The following SAMD12 variants were observed in gnomAD, a reference collection of about 807,000 sequenced individuals.
The protein encoded by SAMD12 is sterile alpha motif domain-containing protein 12.
A neutral mutation model predicts 15.0 loss-of-function variants in SAMD12; 9 were observed. The observed-to-expected ratio is 0.60, with a 90% CI of 0.36 to 1.05. SAMD12 has a LOEUF of 1.05. SAMD12 is among the 50% of genes least tolerant of loss of function. SAMD12 has a pLI of 0.01. For synonymous variants in SAMD12, 86 were observed against 90.1 expected, an observed-to-expected ratio of 0.96 and a Z score of 0.25; for missense variants, 230 against 234.2, an observed-to-expected ratio of 0.98 and a Z score of 0.12.
intron 2 of SAMD12, among the ~76,000 whole-genome samples, chr8:118,489,113 T>C (rs769173316): frequency 3.2e-4 from 49 of 152,200 alleles, no homozygotes; most frequent in Admixed American, 1.4e-3. Flanking sequence ...GTAATGATTA[T>C]GTGTTTATTG....
intron 4 of SAMD12, among the ~76,000 whole-genome samples, chr8:118,237,077 C>T (rs1812453228): frequency 6.6e-6 from 1 of 152,158 alleles, no homozygotes. Flanking sequence ...ACCATGTCCA[C>T]AGGATTGGTG....
intron 4 of SAMD12, among the ~76,000 whole-genome samples, chr8:118,317,336 A>G (rs753726105): frequency 6.6e-6 from 1 of 152,210 alleles, no homozygotes; most frequent in Non-Finnish European, 1.5e-5. Flanking sequence ...ATGTTCACCC[A>G]AAGACGTGTC....
chr8:118,417,722 G>A (rs1426948063), intron 3 of SAMD12, among the ~76,000 whole-genome samples: 2 of 152,116 alleles, frequency 1.3e-5, no homozygotes, highest in Non-Finnish European at 2.9e-5. Flanking sequence ...GCAATGGAAA[G>A]AAATGTTATT....
At chr8:118,146,597 T>C in the SAMD12 span, among the ~76,000 whole-genome samples, 2 of 152,222 alleles carry the variant, frequency 1.3e-5, no homozygotes, top group African/African-American at 2.4e-5. Context: ...CATTGCTCGT[T>C]TGTCCACTAT....
chr8:118,344,635 C>T (rs1293997057), intron 4 of SAMD12, among the ~76,000 whole-genome samples: 1 of 152,158 alleles, frequency 6.6e-6, no homozygotes, highest in Non-Finnish European at 1.5e-5. Context: ...TGTAGAATAG[C>T]ACTAGCATGT....
chr8:118,243,688 G>A (rs1256898591), intron 4 of SAMD12, among the ~76,000 whole-genome samples: 1 of 152,054 alleles, frequency 6.6e-6, no homozygotes, highest in Non-Finnish European at 1.5e-5. Flanking sequence ...AAATCCTGGA[G>A]ATATATGTCA....
the SAMD12 span, among the ~76,000 whole-genome samples, chr8:118,150,615 T>A: frequency 2.0e-5 from 3 of 152,202 alleles, no homozygotes; most frequent in Non-Finnish European, 2.9e-5. Context: ...GTGATCCTCC[T>A]GCCTTGGCCT....
At chr8:118,419,401 A>T (rs1309121841) in intron 3 of SAMD12, among the ~76,000 whole-genome samples, 2 of 152,266 alleles carry the variant, frequency 1.3e-5, no homozygotes, top group East Asian at 3.8e-4. Flanking sequence ...CACTTTATAA[A>T]GTTCAAGTAT....
intron 4 of SAMD12, among the ~76,000 whole-genome samples, chr8:118,347,077 C>A (rs1817702044): frequency 6.6e-6 from 1 of 152,206 alleles, no homozygotes; most frequent in Admixed American, 6.5e-5. Context: ...AAGCACGTGC[C>A]ACCATGCCTG....
chr8:118,193,784 A>T (rs1162057481), exon 5 of SAMD12: 1 of 152,202 alleles, frequency 6.6e-6, no homozygotes, highest in African/African-American at 2.4e-5. Context: ...ATCCCCGCAA[A>T]AAACAAAAAA....
intron 4 of SAMD12, among the ~76,000 whole-genome samples, chr8:118,342,293 C>A (rs368288657): frequency 2.6e-3 from 368 of 142,700 alleles, no homozygotes; most frequent in Middle Eastern, 3.8e-3. Context: ...GACTTTGTCT[C>A]AAAAAAAAAA....
At chr8:118,150,370 C>T in the SAMD12 span, among the ~76,000 whole-genome samples, 15 of 151,962 alleles carry the variant, frequency 9.9e-5, no homozygotes, top group African/African-American at 3.4e-4. Flanking sequence ...TACAGTACAT[C>T]GTTATTATTG....
intron 4 of SAMD12, among the ~76,000 whole-genome samples, chr8:118,223,184 C>T (rs1812117866): frequency 6.6e-6 from 1 of 152,212 alleles, no homozygotes; most frequent in African/African-American, 2.4e-5. Flanking sequence ...CTTCTCTTGA[C>T]AGCCTCTGGA....
intron 2 of SAMD12, among the ~76,000 whole-genome samples, chr8:118,469,747 G>A (rs1039642832): frequency 2.0e-5 from 3 of 149,084 alleles, no homozygotes; most frequent in Non-Finnish European, 4.4e-5. Flanking sequence ...ATTTTTAGTA[G>A]AGACAGGGCT....
Position 118,321,985 on chromosome 8 carries a change from G to A in SAMD12, c.433+57575C>T, listed in dbSNP as rs915234347. 2.0e-5 allele frequency among the ~76,000 whole-genome samples: 3 copies of A among 152,238 alleles called. No homozygotes were observed. The East Asian group carries it at 5.8e-4, about 29-fold the overall frequency. On this transcript the variant is annotated intron_variant, in intron 4 of 4. Coordinates refer to the SAMD12 transcript ENST00000409003. ...AATGTGCCACATTCTTCTTCCCCCA[G>A]AGCTGCCATTCAAATTGTCTTGCAA...
chr8:118,590,370 A>G (rs1453372262), intron 1 of SAMD12, among the ~76,000 whole-genome samples: 1 of 152,206 alleles, frequency 6.6e-6, no homozygotes, highest in Non-Finnish European at 1.5e-5. Context: ...CCAGGTTTCC[A>G]TCTCTGTCAA....
chr8:118,419,351 A>G (rs962942178), intron 3 of SAMD12, among the ~76,000 whole-genome samples: 1 of 152,184 alleles, frequency 6.6e-6, no homozygotes, highest in Non-Finnish European at 1.5e-5. Context: ...CTAATATTCT[A>G]TCAACAGGGG....
At chr8:118,448,875 A>G (rs1181947052) in intron 2 of SAMD12, among the ~76,000 whole-genome samples, 1 of 152,170 alleles carries the variant, frequency 6.6e-6, no homozygotes, top group Non-Finnish European at 1.5e-5. Context: ...TGCAAATAAT[A>G]CCTATCTTAT....
intron 4 of SAMD12, chr8:118,197,851 CTA>C (rs1389689366): frequency 5.7e-6 from 5 of 881,410 alleles, no homozygotes; most frequent in Middle Eastern, 2.5e-4. Flanking sequence ...AGAGAAAGCT[CTA>C]GTCAGAATAA....
Sources: gnomAD v4.1 joint callset for allele counts (sites outside exome capture counted in the v4.1 genomes callset) on GRCh38, gnomAD v4.1.1 for gene constraint, MANE v1.5 for transcripts, NCBI Gene and HGNC (gene_info 2026-07-23, HGNC 2026-07-21) for gene names.